CMC1: variants seen among roughly 807,000 people sequenced by gnomAD.
CMC1 encodes the protein COX assembly mitochondrial protein homolog.
Under a neutral mutation model 14.1 loss-of-function variants are expected in CMC1, and 14 were observed. The ratio of observed to expected loss-of-function variants is 0.99; its 90% CI spans 0.66 to 1.55. CMC1 has a LOEUF of 1.55. Ranked by LOEUF, CMC1 falls within the 40% of genes most tolerant of loss-of-function variation. The pLI is 0.00. For synonymous variants in CMC1, 50 were observed against 38.4 expected (o/e 1.30, Z -1.12); for missense variants, 127 against 123.8 (o/e 1.03, Z -0.12).
chr3:28,304,668 T>C (rs1198028697), intron 2 of CMC1, among the ~76,000 whole-genome samples: 1 of 152,172 alleles, frequency 6.6e-6, no homozygotes, highest in Non-Finnish European at 1.5e-5. Context: ...ATACATTTTG[T>C]TAGTTTTTAT....
intron 1 of CMC1, among the ~76,000 whole-genome samples, chr3:28,246,265 T>G (rs1465555566): frequency 6.6e-6 from 1 of 152,216 alleles, no homozygotes; most frequent in Non-Finnish European, 1.5e-5. Flanking sequence ...ACATTATTTT[T>G]GTCTCATCGG....
At chr3:28,278,183 A>G (rs1363802747) in intron 2 of CMC1, among the ~76,000 whole-genome samples, 2 of 147,538 alleles carry the variant, frequency 1.4e-5, no homozygotes, top group Non-Finnish European at 3.0e-5. Flanking sequence ...AGTAGAGGCA[A>G]CAGAGAAAGA....
At chr3:28,242,591 G>T (rs893371792) in intron 1 of CMC1, among the ~76,000 whole-genome samples, 8 of 152,198 alleles carry the variant, frequency 5.3e-5, no homozygotes, top group Non-Finnish European at 7.3e-5. Context: ...GAAAATATAT[G>T]TAGCACAGAA....
intron 2 of CMC1, among the ~76,000 whole-genome samples, chr3:28,298,868 G>T (rs1356396870): frequency 6.6e-6 from 1 of 151,898 alleles, no homozygotes; most frequent in Admixed American, 6.6e-5. Context: ...GAAATAATTT[G>T]GTTGTTTTTA....
chr3:28,278,890 A>C (rs1355248019), intron 2 of CMC1, among the ~76,000 whole-genome samples: 1 of 152,198 alleles, frequency 6.6e-6, no homozygotes, highest in African/African-American at 2.4e-5. Flanking sequence ...ATCAGTTGAT[A>C]GTGGCTGTCT....
intron 2 of CMC1, among the ~76,000 whole-genome samples, chr3:28,306,622 A>C (rs1369767949): frequency 1.3e-5 from 2 of 151,814 alleles, no homozygotes; most frequent in African/African-American, 4.8e-5. Flanking sequence ...TTGGTGAACT[A>C]CTTACATCTT....
At position 28,320,666 on chromosome 3, in the gene CMC1, T is replaced by C. The variant is rs1482680249; in HGVS notation, c.*1037T>C. ...TGATGTAGAATTTTCTAAAACATAA[T>C]GTTCTTAACCTGATAACTTGTTAGT... On this transcript the variant is annotated 3_prime_UTR_variant, in exon 4 of 4. Coordinates refer to ENST00000466830, the MANE Select transcript of CMC1 (RefSeq NM_182523.2). 6.6e-6 allele frequency: 1 copy of C among 150,712 alleles called. No homozygotes were observed. Among genetic ancestry groups the C allele is most frequent in the East Asian group, 1.9e-4 (1 of 5,142 alleles). 9.3% of individuals were successfully genotyped at this position (150,712 alleles called of 1,614,324 possible).
chr3:28,255,689 T>C (rs1042954537), intron 1 of CMC1, among the ~76,000 whole-genome samples: 3 of 135,846 alleles, frequency 2.2e-5, no homozygotes, highest in African/African-American at 8.0e-5. Flanking sequence ...TTTTGAAACG[T>C]TGTTAAAAAA....
intron 2 of CMC1, among the ~76,000 whole-genome samples, chr3:28,311,516 G>T (rs952140668): frequency 6.6e-6 from 1 of 152,160 alleles, no homozygotes; most frequent in Non-Finnish European, 1.5e-5. Flanking sequence ...TCATTAGAAA[G>T]AAGAGGACAA....
intron 3 of CMC1, chr3:28,316,639 TGAA>T (rs1702939218): frequency 8.6e-6 from 3 of 350,854 alleles, no homozygotes; most frequent in Non-Finnish European, 1.5e-5. Context: ...ATTAAAAAGA[TGAA>T]GTCAGCAGAC....
At chr3:28,245,824 A>G (rs1698795135) in intron 1 of CMC1, among the ~76,000 whole-genome samples, 1 of 152,248 alleles carries the variant, frequency 6.6e-6, no homozygotes, top group Non-Finnish European at 1.5e-5. Context: ...TTAGGGGTAC[A>G]GGAACAGTAC....
At chr3:28,296,250 A>G (rs1471983234) in intron 2 of CMC1, among the ~76,000 whole-genome samples, 1 of 152,082 alleles carries the variant, frequency 6.6e-6, no homozygotes, top group African/African-American at 2.4e-5. Context: ...TCACCATTGT[A>G]ACCATGTAAT....
chr3:28,317,135 A>C (rs911736489), intron 3 of CMC1: 2 of 152,010 alleles, frequency 1.3e-5, no homozygotes, highest in Non-Finnish European at 2.9e-5. Context: ...TGCAGCGTAT[A>C]TGTCAGTATG....
chr3:28,285,788 A>G (rs1226403421), intron 2 of CMC1, among the ~76,000 whole-genome samples: 1 of 146,534 alleles, frequency 6.8e-6, no homozygotes. Context: ...TTTTTTTGAG[A>G]CAGAGTCTTG....
At chr3:28,294,786 T>G (rs575328422) in intron 2 of CMC1, among the ~76,000 whole-genome samples, 16 of 152,256 alleles carry the variant, frequency 1.1e-4, no homozygotes, top group Non-Finnish European at 2.1e-4. Context: ...AATAGAAGAC[T>G]TAGGTTCTTA....
In CMC1 at chr3:28,322,295, A is replaced by C. The variant is rs999756897; in HGVS notation, c.*2666A>C. 3.3e-5 allele frequency: 5 copies of C among 151,278 alleles called. No individual in the cohort carries two copies. Among genetic ancestry groups the C allele is most frequent in the African/African-American group, 1.2e-4 (5 of 41,354 alleles). The allele number at this position is 151,278 out of a possible 1,614,324, so 9.4% of individuals were successfully genotyped here. ...TGTCTATTGTATGAATCATATTAAC[A>C]ACCAACAATTAGTACTAGATTTTGA... On this transcript the variant is annotated 3_prime_UTR_variant, in exon 4 of 4. Transcript: ENST00000466830.
chr3:28,261,739 G>A (rs950802233), intron 1 of CMC1, among the ~76,000 whole-genome samples: 10 of 152,072 alleles, frequency 6.6e-5, no homozygotes, highest in African/African-American at 2.4e-4. Flanking sequence ...GTGTACGAAG[G>A]GGATTGGTTT....
intron 1 of CMC1, among the ~76,000 whole-genome samples, chr3:28,252,364 C>T (rs1234321937): frequency 2.0e-5 from 3 of 152,152 alleles, no homozygotes; most frequent in African/African-American, 7.2e-5. Flanking sequence ...GCACATCTAC[C>T]TCACTGATGT....
chr3:28,245,772 G>A (rs771174024), intron 1 of CMC1, among the ~76,000 whole-genome samples: 2 of 152,078 alleles, frequency 1.3e-5, no homozygotes, highest in African/African-American at 4.8e-5. Flanking sequence ...TCCAAGTTGG[G>A]GTTCTTTCAG....
Sources: allele counts gnomAD v4.1 joint callset (sites outside exome capture counted in the v4.1 genomes callset), GRCh38; gene constraint gnomAD v4.1.1; transcripts MANE v1.5; gene names NCBI Gene and HGNC (gene_info 2026-07-23, HGNC 2026-07-21).